IDO2: variants seen among roughly 807,000 people sequenced by gnomAD.
The protein encoded by IDO2 is indoleamine 2,3-dioxygenase-like 1 protein.
A neutral mutation model predicts 45.1 loss-of-function variants in IDO2; 46 were observed. The observed-to-expected ratio is 1.02, with a 90% CI of 0.80 to 1.30. IDO2 has a LOEUF of 1.30. IDO2 is among the 50% of genes most tolerant of loss of function. The pLI, the probability that IDO2 is intolerant of heterozygous loss-of-function variation, is 0.00. For synonymous variants in IDO2, 218 were observed against 184.9 expected (o/e 1.18, Z -1.45); for missense variants, 544 against 491.8 (o/e 1.11, Z -1.00).
At chr8:39,996,139 T>C (rs1802044202) in intron 8 of IDO2, among the ~76,000 whole-genome samples, 2 of 151,030 alleles carry the variant, frequency 1.3e-5, no homozygotes, top group South Asian at 4.2e-4. Context: ...GAGTCTCCCT[T>C]TCCCCGGGGG....
intron 2 of IDO2, among the ~76,000 whole-genome samples, chr8:39,950,853 C>G (rs1365409707): frequency 6.6e-6 from 1 of 152,148 alleles, no homozygotes; most frequent in African/African-American, 2.4e-5. Flanking sequence ...TGGGGCTTTT[C>G]TAGTTCTGTC....
chr8:39,954,957 TC>T (rs1807868690), intron 2 of IDO2, among the ~76,000 whole-genome samples: 1 of 151,318 alleles, frequency 6.6e-6, no homozygotes, highest in Non-Finnish European at 1.5e-5. Context: ...GTGCCCAGTC[TC>T]CCCCTGTCTC....
chr8:39,951,794 C>G (rs1807818078), intron 2 of IDO2, among the ~76,000 whole-genome samples: 1 of 152,174 alleles, frequency 6.6e-6, no homozygotes, highest in Non-Finnish European at 1.5e-5. Context: ...GTACACTGAG[C>G]TGAGGAAAAA....
intron 7 of IDO2, 89 bp from the exon 8 acceptor site, chr8:39,989,632 C>A: frequency 1.1e-6 from 1 of 888,812 alleles, no homozygotes. Flanking sequence ...GTCCGGTCCT[C>A]CCCTGGGTTC....
chr8:39,944,810 G>C (rs62513110), intron 1 of IDO2, among the ~76,000 whole-genome samples: 29,934 of 151,920 alleles, frequency 0.2, 3,215 homozygotes, highest in South Asian at 0.32. Context: ...CCCTTCTTTG[G>C]GGCTGAGAGA....
At chr8:39,968,050 T>G (rs1226712255) in intron 3 of IDO2, among the ~76,000 whole-genome samples, 7 of 149,526 alleles carry the variant, frequency 4.7e-5, no homozygotes, top group African/African-American at 1.7e-4. Flanking sequence ...CATATATGAA[T>G]GTTTATAACA....
intron 1 of IDO2, among the ~76,000 whole-genome samples, chr8:39,940,250 C>G (rs528040282): frequency 7.7e-4 from 117 of 152,238 alleles, no homozygotes; most frequent in African/African-American, 2.6e-3. Context: ...CTACCGGACA[C>G]GCAGATCCCG....
chr8:39,949,250 C>G, exon 2 of IDO2: 1 of 1,590,952 alleles, frequency 6.3e-7, no homozygotes, highest in Non-Finnish European at 8.6e-7. Flanking sequence ...TGGCTTTCTT[C>G]TTCCAGATTC....
intron 9 of IDO2, among the ~76,000 whole-genome samples, chr8:40,010,639 T>C (rs1176943519): frequency 1.3e-5 from 2 of 152,160 alleles, no homozygotes; most frequent in Non-Finnish European, 2.9e-5. Flanking sequence ...TCTGGATATA[T>C]ACTGAAATCA....
chr8:39,989,913 C>T (rs1808476476), intron 8 of IDO2, 75 bp downstream of exon 8: 1 of 884,154 alleles, frequency 1.1e-6, no homozygotes, highest in Non-Finnish European at 1.7e-6. Context: ...GGCCTGGGGA[C>T]CAGGCATGTC....
chr8:39,962,847 G>A (rs1808020739), intron 2 of IDO2, among the ~76,000 whole-genome samples: 1 of 152,018 alleles, frequency 6.6e-6, no homozygotes, highest in Non-Finnish European at 1.5e-5. Context: ...TGGTTAAAAG[G>A]CATTATTCAC....
intron 3 of IDO2, among the ~76,000 whole-genome samples, chr8:39,977,302 ACC>A (rs1808272916): frequency 6.6e-6 from 1 of 152,260 alleles, no homozygotes; most frequent in African/African-American, 2.4e-5. Flanking sequence ...ACAATGAACT[ACC>A]TGGTTTCGGC....
At chr8:39,939,546 CAAAAAAAAAAAAA>C (rs55892879) in intron 1 of IDO2, among the ~76,000 whole-genome samples, 6 of 71,268 alleles carry the variant, frequency 8.4e-5, no homozygotes, top group African/African-American at 2.3e-4. Flanking sequence ...GACTCTGTCT[CAAAAAAAAAAAAA>C]AAAAAAAAAA....
chr8:40,013,488 C>T (rs1802338454), intron 9 of IDO2, 77 bp from the exon 10 acceptor site: 1 of 1,356,392 alleles, frequency 7.4e-7, no homozygotes, highest in Non-Finnish European at 1.0e-6. Context: ...TTCTCATTCA[C>T]TCTCAGTTTC....
chr8:39,977,112 T>C (rs908799665), intron 3 of IDO2, among the ~76,000 whole-genome samples: 3 of 152,154 alleles, frequency 2.0e-5, no homozygotes, highest in African/African-American at 7.2e-5. Flanking sequence ...TTTTAGAACA[T>C]TTATATGAAA....
chr8:39,971,146 T>A lies in IDO2; in HGVS notation c.195+7443T>A, dbSNP rs1416637628. Among the ~76,000 whole-genome samples, 3 of 152,152 alleles carry A rather than the reference T, an allele frequency of 2.0e-5. No individual in the cohort carries two copies. In the East Asian group the frequency reaches 5.8e-4, roughly 29 times the overall value. On this transcript the variant is annotated intron_variant, in intron 3 of 10. Transcript: ENST00000502986. Reference sequence around the variant, plus strand: ...TCTTGTTAGGGGCTAGTGCAGCTGGTGACTTTAAGTTGAAGCCAGTGCTCA... The same window carrying A: ...TCTTGTTAGGGGCTAGTGCAGCTGGAGACTTTAAGTTGAAGCCAGTGCTCA...
chr8:39,951,378 C>G (rs1009332820), intron 2 of IDO2, among the ~76,000 whole-genome samples: 2 of 150,956 alleles, frequency 1.3e-5, no homozygotes, highest in African/African-American at 4.9e-5. Context: ...TCCTCTGACA[C>G]TGCCACTAGG....
chr8:39,957,659 A>T (rs1273692883), intron 2 of IDO2, among the ~76,000 whole-genome samples: 2 of 151,586 alleles, frequency 1.3e-5, no homozygotes, highest in Non-Finnish European at 2.9e-5. Flanking sequence ...GCTCTTTAAA[A>T]CTCTTCCTAC....
rs995434031 is a variant in IDO2, at chr8:39,968,472, T to C, written c.195+4769T>C. 2.6e-5 allele frequency among the ~76,000 whole-genome samples: 4 copies of C among 152,114 alleles called. No homozygotes were observed. The East Asian group carries it at 5.8e-4, about 22-fold the overall frequency. On this transcript the variant is annotated intron_variant, in intron 3 of 10. Coordinates refer to ENST00000502986, the Ensembl canonical transcript of IDO2. ...ATGGCTCTAGGCACTGAAAAACCCA[T>C]GGAATTGTATGTCACAAAGAATGGA...
Sources: allele counts gnomAD v4.1 joint callset (sites outside exome capture counted in the v4.1 genomes callset), GRCh38; gene constraint gnomAD v4.1.1; transcripts MANE v1.5; gene names NCBI Gene and HGNC (gene_info 2026-07-23, HGNC 2026-07-21).